The following NHLH1 variants were observed in gnomAD, a reference collection of about 807,000 sequenced individuals.
NHLH1 encodes the protein nescient helix-loop-helix 1.
A neutral mutation model predicts 6.7 loss-of-function variants in NHLH1; 3 were observed. That is an observed-to-expected ratio of 0.44 (90% CI 0.20 to 1.15). The LOEUF (loss-of-function observed/expected upper bound fraction) is 1.15, where lower values mean the gene tolerates loss of function less well. NHLH1 is among the 50% of genes most tolerant of loss of function. The pLI is 0.26. For synonymous variants in NHLH1, 92 were observed against 84.2 expected (o/e 1.09, Z -0.51); for missense variants, 177 against 189.5 (o/e 0.93, Z 0.39).
At position 160,371,224 on chromosome 1, in the gene NHLH1, A is replaced by G; in HGVS notation, c.*91A>G. The G allele has an allele frequency of 1.3e-6, 2 of 1,501,712 alleles. No homozygotes were observed. The highest frequency in any genetic ancestry group is 2.7e-5 in the South Asian group (2 of 73,368). The allele number at this position is 1,501,712 out of a possible 1,614,324, so 93.0% of individuals were successfully genotyped here. On this transcript the variant is annotated 3_prime_UTR_variant, in exon 2 of 2. Coordinates refer to ENST00000302101, the MANE Select transcript of NHLH1 (RefSeq NM_005598.4). Reference sequence around the variant, plus strand: ...GGCCGCATCCTCCCCGAGCCCTTATACCTTGGCATGGAGTCCCAAAGGCCC... The same window carrying G: ...GGCCGCATCCTCCCCGAGCCCTTATGCCTTGGCATGGAGTCCCAAAGGCCC...
chr1:160,370,810 G>T lies in NHLH1; in HGVS notation c.79G>T (p.Gly27Trp), dbSNP rs1649605456. 5.0e-6 allele frequency: 8 copies of T among 1,611,598 alleles called. No homozygotes were observed. Among genetic ancestry groups the T allele is most frequent in the Middle Eastern group, 1.7e-4 (1 of 6,022 alleles). ...GACTGAGTCGGGCTTCAGTGACTGT[G>T]GGGGCGGGGCGGGCCCTGATGGTGC... ...SETESGFSDC[G>W]GGAGPDGAGP... The change falls in exon 2 of 2, where the codon GGG (glycine) becomes TGG (tryptophan). Residue 27 changes from glycine (G) to tryptophan (W), a missense_variant. Physicochemically the swap from Gly to Trp is radical, Grantham distance 184. Coordinates refer to ENST00000302101, the MANE Select transcript of NHLH1 (RefSeq NM_005598.4).
At chr1:160,367,852 G>A (rs1428632829) in intron 1 of NHLH1, among the ~76,000 whole-genome samples, 1 of 152,150 alleles carries the variant, frequency 6.6e-6, no homozygotes, top group African/African-American at 2.4e-5. Flanking sequence ...CCTGCTCCCA[G>A]CCCCAGCATG....
In NHLH1 at chr1:160,370,920, C is replaced by T; in HGVS notation, c.189C>T (p.Arg63=). ...GGAAAGACCTGCAGCATCTGAGCCG[C>T]GAGGAGCGCCGGCGCCGGCGCCGCG... ...PGRKDLQHLS[R]EERRRRRRAT... Residue 63 remains arginine (R), a synonymous_variant, in exon 2 of 2, where the codon CGC becomes CGT. Coordinates refer to ENST00000302101, the MANE Select transcript of NHLH1 (RefSeq NM_005598.4). 2 of 1,607,666 alleles carry T rather than the reference C, an allele frequency of 1.2e-6. No individual in the cohort carries two copies. Among genetic ancestry groups the T allele is most frequent in the African/African-American group, 1.3e-5 (1 of 74,878 alleles).
intron 1 of NHLH1, 149 bp from the exon 2 acceptor site, chr1:160,370,408 A>AAC: frequency 1.6e-5 from 1 of 63,226 alleles, no homozygotes. Flanking sequence ...GCCTCTCCCC[A>AAC]CCCCCCGACC....
intron 1 of NHLH1, among the ~76,000 whole-genome samples, chr1:160,368,678 G>T (rs1649553221): frequency 6.6e-6 from 1 of 152,162 alleles, no homozygotes; most frequent in Admixed American, 6.5e-5. Flanking sequence ...GAAGGTTTGG[G>T]GAACTGGGAG....
Position 160,371,231 on chromosome 1 carries a change from C to A in NHLH1, c.*98C>A. 1 of 1,493,896 alleles carries A rather than the reference C, an allele frequency of 6.7e-7. No homozygotes were observed. Among genetic ancestry groups the A allele is most frequent in the Non-Finnish European group, 8.9e-7 (1 of 1,123,226 alleles). 92.5% of individuals were successfully genotyped at this position (1,493,896 alleles called of 1,614,324 possible). ...TCCTCCCCGAGCCCTTATACCTTGG[C>A]ATGGAGTCCCAAAGGCCCTGGGCAC... On this transcript the variant is annotated 3_prime_UTR_variant, in exon 2 of 2. Transcript: ENST00000302101.
chr1:160,371,027 G>A lies in NHLH1; in HGVS notation c.296G>A (p.Arg99His). 6.2e-7 allele frequency: 1 copy of A among 1,614,084 alleles called. No homozygotes were observed. The highest frequency in any genetic ancestry group is 8.5e-7 in the Non-Finnish European group (1 of 1,179,974). The change falls in exon 2 of 2, where the codon CGC (arginine) becomes CAC (histidine). Residue 99 changes from arginine to histidine, a missense_variant. Physicochemically the swap from Arg to His is conservative, Grantham distance 29. Transcript: ENST00000302101. ...EAFNLAFAEL[R>H]KLLPTLPPDK... Reference sequence around the variant, plus strand: ...TTCAACCTGGCCTTCGCCGAGCTGCGCAAGCTGCTGCCTACGCTGCCCCCC... The same window carrying A: ...TTCAACCTGGCCTTCGCCGAGCTGCACAAGCTGCTGCCTACGCTGCCCCCC...
rs1649644253 is a variant in NHLH1 at position 160,372,211 on chromosome 1, C to T, written c.*1078C>T. 1 of 167,118 alleles carries T rather than the reference C, an allele frequency of 6.0e-6. No individual in the cohort carries two copies. The highest frequency in any genetic ancestry group is 6.5e-5 in the Admixed American group (1 of 15,286). The allele number at this position is 167,118 out of a possible 1,614,324, so 10.4% of individuals were successfully genotyped here. A position where few individuals can be genotyped will look rare whatever the true frequency, so the allele number is the denominator to read the frequency against. ...CCTACTCCATGCTGCTGATCCCCAC[C>T]TGCGCACTATAGCTCAGGGTCAGCA... On this transcript the variant is annotated 3_prime_UTR_variant, in exon 2 of 2. Coordinates refer to ENST00000302101, the MANE Select transcript of NHLH1 (RefSeq NM_005598.4).
Position 160,370,969 on chromosome 1 carries a change from C to A in NHLH1, c.238C>A (p.His80Asn), listed in dbSNP as rs1356917739. 1.9e-6 allele frequency: 3 copies of A among 1,612,764 alleles called. No homozygotes were observed. The change falls in exon 2 of 2, where the codon CAC becomes AAC. Residue 80 changes from histidine (H) to asparagine (N), a missense_variant. Transcript: ENST00000302101. ...CGCCACAGCCAAGTACCGCACGGCCCACGCCACGCGAGAACGCATCCGCGT... is the reference window on the plus strand; with the variant it reads ...CGCCACAGCCAAGTACCGCACGGCCAACGCCACGCGAGAACGCATCCGCGT... The part of the protein sequence containing the change: ...RRATAKYRTA[H>N]ATRERIRVEA...
At position 160,371,700 on chromosome 1, in the gene NHLH1, G is replaced by A. The variant is rs1208014254; in HGVS notation, c.*567G>A. On this transcript the variant is annotated 3_prime_UTR_variant, in exon 2 of 2. Transcript: ENST00000302101. ...GTTGGTGCCCTGACTCCTGTGAGGG[G>A]AATCTCAGTAGCTGGGAATTATGGA... 1 of 167,304 alleles carries A rather than the reference G, an allele frequency of 6.0e-6. No individual in the cohort carries two copies. The highest frequency in any genetic ancestry group is 1.5e-5 in the Non-Finnish European group (1 of 68,324). 10.4% of individuals were successfully genotyped at this position (167,304 alleles called of 1,614,324 possible). A position where few individuals can be genotyped will look rare whatever the true frequency, so the allele number is the denominator to read the frequency against.
Position 160,370,538 on chromosome 1 carries a change from T to C in NHLH1, c.-175-19T>C. 1.7e-6 allele frequency: 1 copy of C among 587,742 alleles called. No homozygotes were observed. Among genetic ancestry groups the C allele is most frequent in the Admixed American group, 3.2e-5 (1 of 31,206 alleles). The allele number at this position is 587,742 out of a possible 1,614,324, so 36.4% of individuals were successfully genotyped here. On this transcript the variant is annotated intron_variant, in intron 1 of 1. Coordinates refer to ENST00000302101, the MANE Select transcript of NHLH1 (RefSeq NM_005598.4). ...CCCTCCTCCCTCCGCTGCTATCACT[T>C]CTCTCTTCTCTTTTTCAGGCTTCAG... is the stretch of plus-strand genomic sequence containing the variant.
In NHLH1 at chr1:160,371,316, C is replaced by T. The variant is rs1045049745; in HGVS notation, c.*183C>T. On this transcript the variant is annotated 3_prime_UTR_variant, in exon 2 of 2. Coordinates refer to ENST00000302101, the MANE Select transcript of NHLH1 (RefSeq NM_005598.4). ...CTTCCTTTCTCTGACCCAGGCACCT[C>T]GAGGGCTATTCTCCTGGGTTCCTTC... 4 of 935,700 alleles carry T rather than the reference C, an allele frequency of 4.3e-6. No individual in the cohort carries two copies. The highest frequency in any genetic ancestry group is 6.3e-4 in the Middle Eastern group (2 of 3,176). 58.0% of individuals were successfully genotyped at this position (935,700 alleles called of 1,614,324 possible). A position where few individuals can be genotyped will look rare whatever the true frequency, so the allele number is the denominator to read the frequency against.
At position 160,370,738 on chromosome 1, in the gene NHLH1, C is replaced by T. The variant is rs767788143; in HGVS notation, c.7C>T (p.Leu3Phe). Residue 3 changes from leucine (L) to phenylalanine (F), a missense_variant, in exon 2 of 2, where the codon CTC becomes TTC. Leu to Phe is a conservative substitution (Grantham distance 22, BLOSUM62 0). Transcript: ENST00000302101. MM[L>F]NSDTMELDLP... is the part of the protein sequence containing the mutation. ...AGGGCAGGGGGCTTCCATCATGATG[C>T]TCAACTCAGACACCATGGAGCTGGA... is the stretch of plus-strand genomic sequence containing the variant. The T allele has an allele frequency of 6.2e-7, 1 of 1,612,810 alleles. No homozygotes were observed. Among genetic ancestry groups the T allele is most frequent in the Admixed American group, 1.7e-5 (1 of 60,000 alleles).
At chr1:160,368,382 C>G (rs1037878776) in intron 1 of NHLH1, among the ~76,000 whole-genome samples, 1 of 152,226 alleles carries the variant, frequency 6.6e-6, no homozygotes, top group Non-Finnish European at 1.5e-5. Context: ...CAAACCTTAG[C>G]TGAGTCCCAT....
Position 160,372,843 on chromosome 1 carries a change from A to G in NHLH1, c.*1710A>G, listed in dbSNP as rs1397939523. On this transcript the variant is annotated 3_prime_UTR_variant, in exon 2 of 2. Transcript: ENST00000302101. Reference sequence around the variant, plus strand: ...AAAATAAAAGTGACCTCGTTCTAGCACCAGGTATGGTTGTGGCTCATTCAA... The same window carrying G: ...AAAATAAAAGTGACCTCGTTCTAGCGCCAGGTATGGTTGTGGCTCATTCAA... 3 of 155,018 alleles carry G rather than the reference A, an allele frequency of 1.9e-5. No homozygotes were observed. The highest frequency in any genetic ancestry group is 4.4e-5 in the Non-Finnish European group (3 of 68,066). The allele number at this position is 155,018 out of a possible 1,614,324, so 9.6% of individuals were successfully genotyped here.
chr1:160,370,044 G>A (rs570395552), intron 1 of NHLH1, among the ~76,000 whole-genome samples: 1 of 152,152 alleles, frequency 6.6e-6, no homozygotes, highest in East Asian at 1.9e-4. Context: ...TATATAATTT[G>A]CAAATATTTT....
rs774214080 is a variant in NHLH1, at chr1:160,371,259, G to T, written c.*126G>T. On this transcript the variant is annotated 3_prime_UTR_variant, in exon 2 of 2. Coordinates refer to ENST00000302101, the MANE Select transcript of NHLH1 (RefSeq NM_005598.4). The stretch of plus-strand genomic sequence containing the variant: ...GGAGTCCCAAAGGCCCTGGGCACAG[G>T]CAGAGAGCCCACCGGCTGGTCATGA... The T allele has an allele frequency of 4.1e-4, 588 of 1,430,398 alleles. 1 individual carries two copies. The highest frequency in any genetic ancestry group is 5.1e-4 in the Non-Finnish European group (548 of 1,080,990). 88.6% of individuals were successfully genotyped at this position (1,430,398 alleles called of 1,614,324 possible). A position where few individuals can be genotyped will look rare whatever the true frequency, so the allele number is the denominator to read the frequency against.
In NHLH1 at chr1:160,370,864, G is replaced by A. The variant is rs1411154843; in HGVS notation, c.133G>A (p.Ala45Thr). ...GCCTGGGGGTCCGGGAGGGGGCCAG[G>A]CCCGAGGCCCAGAGCCGGGAGAGCC... ...AGPGGPGGGQ[A>T]RGPEPGEPGR... The change falls in exon 2 of 2, where the codon GCC becomes ACC. Residue 45 changes from alanine to threonine, a missense_variant. Coordinates refer to ENST00000302101, the MANE Select transcript of NHLH1 (RefSeq NM_005598.4). 3 of 1,605,648 alleles carry A rather than the reference G, an allele frequency of 1.9e-6. No homozygotes were observed. In the African/African-American group the frequency reaches 4.0e-5, roughly 21 times the overall value.
chr1:160,368,501 A>T (rs1328475141), intron 1 of NHLH1, among the ~76,000 whole-genome samples: 1 of 152,126 alleles, frequency 6.6e-6, no homozygotes, highest in Non-Finnish European at 1.5e-5. Flanking sequence ...CCTTTCCCCA[A>T]TCTTCCTTGC....
Sources: gnomAD v4.1 joint callset for allele counts (sites outside exome capture counted in the v4.1 genomes callset) on GRCh38, gnomAD v4.1.1 for gene constraint, MANE v1.5 for transcripts, NCBI Gene and HGNC (gene_info 2026-07-23, HGNC 2026-07-21) for gene names.